FRMD3: variants seen among roughly 807,000 people sequenced by gnomAD.
FRMD3 encodes FERM domain containing 3, also known as FERM domain-containing protein 3.
Under a neutral mutation model 70.2 loss-of-function variants are expected in FRMD3, and 33 were observed. The observed-to-expected ratio is 0.47, with a 90% CI of 0.36 to 0.63. FRMD3 has a LOEUF of 0.63. Ranked by LOEUF, FRMD3 falls within the 20% of genes least tolerant of loss-of-function variation. The probability of loss-of-function intolerance (pLI) is 0.00; values close to 1 mark genes in which losing one functional copy is unlikely to be tolerated. For synonymous variants in FRMD3, 279 were observed against 255.9 expected, an observed-to-expected ratio of 1.09 and a Z score of -0.86; for missense variants, 632 against 711.4, an observed-to-expected ratio of 0.89 and a Z score of 1.27.
At chr9:83,534,174 G>A (rs986539874) in intron 1 of FRMD3, among the ~76,000 whole-genome samples, 1 of 152,140 alleles carries the variant, frequency 6.6e-6, no homozygotes, top group Non-Finnish European at 1.5e-5. Flanking sequence ...CCTCTGTCTT[G>A]TAACCCAAAC....
At chr9:83,291,601 C>G (rs1244959690) in intron 12 of FRMD3, among the ~76,000 whole-genome samples, 1 of 152,170 alleles carries the variant, frequency 6.6e-6, no homozygotes, top group African/African-American at 2.4e-5. Flanking sequence ...TCCTCTCCCT[C>G]TCTTTGACTA....
chr9:83,409,280 T>C (rs10512141), intron 1 of FRMD3, among the ~76,000 whole-genome samples: 2,084 of 152,264 alleles, frequency 0.014, 38 homozygotes, highest in African/African-American at 0.048. Context: ...ATATTGCATG[T>C]TACTGTTCAA....
intron 1 of FRMD3, among the ~76,000 whole-genome samples, chr9:83,404,884 A>T (rs1392876432): frequency 6.6e-6 from 1 of 152,176 alleles, no homozygotes; most frequent in Non-Finnish European, 1.5e-5. Context: ...GTGTAAAGGT[A>T]ATGTGTTTCT....
chr9:83,489,015 T>TGTGTGTGCGC (rs539396863), intron 1 of FRMD3, among the ~76,000 whole-genome samples: 8 of 131,704 alleles, frequency 6.1e-5, no homozygotes, highest in South Asian at 2.3e-4. Flanking sequence ...TGTGTGTGTG[T>TGTGTGTGCGC]GCTTGTGTGT....
At position 83,385,041 on chromosome 9, in the gene FRMD3, G is replaced by T. The variant is rs541375484; in HGVS notation, c.252+4563C>A. On this transcript the variant is annotated intron_variant, in intron 2 of 13. Coordinates refer to ENST00000304195, the MANE Select transcript of FRMD3 (RefSeq NM_174938.6). ...AATAAAAAGGGTAGAAGAACATAAG[G>T]GGAAAACCCAGGACAATGGACATCT... is the stretch of plus-strand genomic sequence containing the variant. 3.9e-5 allele frequency among the ~76,000 whole-genome samples: 6 copies of T among 152,090 alleles called. No homozygotes were observed. In the East Asian group the frequency reaches 1.2e-3, roughly 29 times the overall value.
At chr9:83,425,923 A>C (rs1340884573) in intron 1 of FRMD3, among the ~76,000 whole-genome samples, 4 of 151,146 alleles carry the variant, frequency 2.6e-5, no homozygotes, top group Non-Finnish European at 5.9e-5. Context: ...AAAAAAAAAA[A>C]AAAAACAACC....
At chr9:83,495,092 CT>C (rs2131503404) in intron 1 of FRMD3, among the ~76,000 whole-genome samples, 1 of 152,198 alleles carries the variant, frequency 6.6e-6, no homozygotes, top group East Asian at 1.9e-4. Context: ...ATAAATTAGG[CT>C]ACAAAACTCC....
chr9:83,429,974 T>C (rs543298566), intron 1 of FRMD3, among the ~76,000 whole-genome samples: 53 of 152,280 alleles, frequency 3.5e-4, no homozygotes, highest in Non-Finnish European at 6.3e-4. Context: ...CTGCTTCTCC[T>C]CACCACCACC....
upstream of FRMD3, among the ~76,000 whole-genome samples, chr9:83,543,341 G>A (rs1189098202): frequency 6.6e-6 from 1 of 151,988 alleles, no homozygotes; most frequent in Non-Finnish European, 1.5e-5. Flanking sequence ...GATGTTTTGG[G>A]TTGCCCTCAC....
intron 13 of FRMD3, among the ~76,000 whole-genome samples, chr9:83,270,620 A>G (rs1833506196): frequency 1.3e-5 from 2 of 152,232 alleles, no homozygotes; most frequent in South Asian, 4.1e-4. Context: ...CAGACTTTGG[A>G]GCAGTCCTTG....
chr9:83,479,633 AAGGAAGGAAGGAAGGAAGGAAG>A (rs1564096584), intron 1 of FRMD3, among the ~76,000 whole-genome samples: 7 of 40,058 alleles, frequency 1.7e-4, no homozygotes, highest in Admixed American at 2.9e-4. Flanking sequence ...GAAAGGAAGG[AAGGAAGGAAGGAAGGAAGGAAG>A]GAAGGAAGGA....
At chr9:83,336,398 G>T (rs1325780825) in intron 5 of FRMD3, among the ~76,000 whole-genome samples, 3 of 151,006 alleles carry the variant, frequency 2.0e-5, no homozygotes, top group African/African-American at 7.3e-5. Flanking sequence ...ATAGGAGGTG[G>T]TACCACCTTT....
the FRMD3 span, among the ~76,000 whole-genome samples, chr9:83,558,866 G>A: frequency 1.3e-5 from 2 of 152,220 alleles, no homozygotes; most frequent in African/African-American, 4.8e-5. Flanking sequence ...TGCATGTGTG[G>A]AGGAAATAGC....
rs187099737 is a variant in FRMD3, at chr9:83,244,711, C to G, written c.*3207G>C. On this transcript the variant is annotated 3_prime_UTR_variant, in exon 14 of 14. Coordinates refer to ENST00000304195, the MANE Select transcript of FRMD3 (RefSeq NM_174938.6). ...TGTTGACATAGAAATGCAAATTTCA[C>G]TATACAAAGGTAAGGCTCCAATCAC... The G allele has an allele frequency of 1.4e-3, 1,342 of 984,856 alleles. 2 individuals carry two copies. The highest frequency in any genetic ancestry group is 1.3e-3 in the Non-Finnish European group (1,063 of 829,474). The allele number at this position is 984,856 out of a possible 1,614,324, so 61.0% of individuals were successfully genotyped here.
rs200709035 is a variant in FRMD3, at chr9:83,500,497, TGCGC to T, written c.147+37584_147+37587del. 6.4e-3 allele frequency among the ~76,000 whole-genome samples: 437 copies of T among 68,514 alleles called. 10 individuals carry two copies. Among genetic ancestry groups the T allele is most frequent in the East Asian group, 0.022 (70 of 3,246 alleles). 44.9% of individuals were successfully genotyped at this position (68,514 alleles called of 152,430 possible). A position where few individuals can be genotyped will look rare whatever the true frequency, so the allele number is the denominator to read the frequency against. On this transcript the variant is annotated intron_variant, in intron 1 of 13. Transcript: ENST00000304195. ...GCCTGCATAGAGTGCTTGGCGTGTATGCGCGCACACACACACACACACACACACA... is the reference window on the plus strand; with the variant it reads ...GCCTGCATAGAGTGCTTGGCGTGTATGCACACACACACACACACACACACA...
At chr9:83,574,572 A>G in the FRMD3 span, among the ~76,000 whole-genome samples, 2 of 152,142 alleles carry the variant, frequency 1.3e-5, no homozygotes, top group Non-Finnish European at 2.9e-5. Flanking sequence ...CTTGTTTCTT[A>G]GCAGAAACAC....
chr9:83,445,891 T>G (rs960508938), intron 1 of FRMD3, among the ~76,000 whole-genome samples: 2 of 152,184 alleles, frequency 1.3e-5, no homozygotes, highest in Non-Finnish European at 2.9e-5. Flanking sequence ...GAGTCTGTGG[T>G]GAGGGTTTGC....
intron 3 of FRMD3, among the ~76,000 whole-genome samples, chr9:83,367,437 A>G (rs1166311584): frequency 6.6e-6 from 1 of 152,224 alleles, no homozygotes; most frequent in Non-Finnish European, 1.5e-5. Flanking sequence ...GAATACATGC[A>G]GCAACTATTT....
At position 83,538,310 on chromosome 9, in the gene FRMD3, CA is replaced by C; in HGVS notation, c.-80del. 6.9e-7 allele frequency: 1 copy of C among 1,444,878 alleles called. No homozygotes were observed. The highest frequency in any genetic ancestry group is 1.3e-5 in the South Asian group (1 of 74,858). 89.5% of individuals were successfully genotyped at this position (1,444,878 alleles called of 1,614,324 possible). Reference sequence around the variant, plus strand: ...CTGCGCGGACACACACGCTCGCACGCACTGTCCGGGACACCTGGGCGCGGCT... The same window carrying C: ...CTGCGCGGACACACACGCTCGCACGCCTGTCCGGGACACCTGGGCGCGGCT... On this transcript the variant is annotated 5_prime_UTR_variant, in exon 1 of 14. Coordinates refer to ENST00000304195, the MANE Select transcript of FRMD3 (RefSeq NM_174938.6). This position sits in a 1 kb window ranked among gnomAD's most constrained non-coding sequence, Gnocchi z 4.7.
Sources: allele counts gnomAD v4.1 joint callset (sites outside exome capture counted in the v4.1 genomes callset), GRCh38; gene constraint gnomAD v4.1.1; non-coding constraint Gnocchi (gnomAD v3.1); transcripts MANE v1.5; gene names NCBI Gene and HGNC (gene_info 2026-07-23, HGNC 2026-07-21).